Variants in NCS1 observed in about 807,000 individuals in gnomAD.
NCS1 encodes neuronal calcium sensor 1.
NCS1 carries 6 observed loss-of-function variants against 28.4 expected under a neutral mutation model. That is an observed-to-expected ratio of 0.21 (90% CI 0.12 to 0.42). The LOEUF (loss-of-function observed/expected upper bound fraction) is 0.42. Among genes scored for constraint, NCS1 ranks in the 10% least tolerant of loss-of-function variants. NCS1 has a pLI of 1.00. For synonymous variants in NCS1, 86 were observed against 99.3 expected (o/e 0.87, Z 0.79); for missense variants, 131 against 241.4 (o/e 0.54, Z 3.03).
At chr9:130,218,978 C>G (rs182843614) in intron 3 of NCS1, among the ~76,000 whole-genome samples, 13 of 152,166 alleles carry the variant, frequency 8.5e-5, no homozygotes, top group Non-Finnish European at 1.6e-4. Flanking sequence ...AACTGAGGCT[C>G]TGAGAATCGT....
intron 6 of NCS1, among the ~76,000 whole-genome samples, chr9:130,224,761 T>C (rs782316374): frequency 3.3e-5 from 5 of 151,740 alleles, no homozygotes; most frequent in Non-Finnish European, 7.4e-5. Flanking sequence ...GAGCCTAAAA[T>C]AAAAGCCTAA....
intron 2 of NCS1, among the ~76,000 whole-genome samples, chr9:130,203,599 C>G (rs1554907715): frequency 1.3e-5 from 2 of 152,300 alleles, no homozygotes; most frequent in East Asian, 3.9e-4. Flanking sequence ...ATTGTGGCTG[C>G]TCATGACCAA....
chr9:130,190,052 G>GAC (rs1832797910), intron 1 of NCS1, among the ~76,000 whole-genome samples: 1 of 150,428 alleles, frequency 6.6e-6, no homozygotes, highest in East Asian at 1.9e-4. Context: ...GAGAGAGAGA[G>GAC]AGAGAGAGAG....
chr9:130,190,032 AAGAGAGAGAGAGAG>A (rs34529294), intron 1 of NCS1, among the ~76,000 whole-genome samples: 3 of 120,468 alleles, frequency 2.5e-5, no homozygotes, highest in Admixed American at 8.8e-5. Flanking sequence ...ATGTTTATGC[AAGAGAGAGAGAGAG>A]AGAGAGAGAG....
At chr9:130,218,547 A>G (rs535922782) in intron 3 of NCS1, among the ~76,000 whole-genome samples, 1 of 152,312 alleles carries the variant, frequency 6.6e-6, no homozygotes, top group Admixed American at 6.5e-5. Context: ...ATTAATAATA[A>G]TAACCAATAT....
At chr9:130,182,325 G>A (rs1250918597) in intron 1 of NCS1, among the ~76,000 whole-genome samples, 3 of 152,166 alleles carry the variant, frequency 2.0e-5, no homozygotes, top group Non-Finnish European at 2.9e-5. Context: ...CCGTCTCTGT[G>A]AGCCTCAAAA....
rs528035690 is a variant in NCS1 at position 130,209,875 on chromosome 9, A to T, written c.90-7957A>T. 1.3e-5 allele frequency among the ~76,000 whole-genome samples: 2 copies of T among 152,178 alleles called. No individual in the cohort carries two copies. The highest frequency in any genetic ancestry group is 4.8e-5 in the African/African-American group (2 of 41,514). On this transcript the variant is annotated intron_variant, in intron 2 of 7. Transcript: ENST00000372398. The surrounding 1 kb of genome is among the most constrained non-coding windows in gnomAD (Gnocchi z 4.4). ...AAACCTCGGCTTCCCGTGGCTGGGG[A>T]TCGCAGGCCCCGTTCTTCACAGCCT...
At chr9:130,183,543 G>A (rs1323454144) in intron 1 of NCS1, among the ~76,000 whole-genome samples, 4 of 152,198 alleles carry the variant, frequency 2.6e-5, no homozygotes, top group African/African-American at 9.7e-5. Context: ...AGGGAAGTGG[G>A]TTCAGTGTGC....
At chr9:130,208,876 CTGTGTGTG>C (rs35560339) in intron 2 of NCS1, among the ~76,000 whole-genome samples, 2 of 150,706 alleles carry the variant, frequency 1.3e-5, no homozygotes, top group South Asian at 4.2e-4. Context: ...TCACACAGCT[CTGTGTGTG>C]TGTGTGTGTG....
At chr9:130,214,559 A>ACGTGAAG (rs1833158197) in intron 2 of NCS1, among the ~76,000 whole-genome samples, 1 of 152,138 alleles carries the variant, frequency 6.6e-6, no homozygotes, top group Admixed American at 6.5e-5. Context: ...GAGGACTCAC[A>ACGTGAAG]CGTGAAGCGA....
rs2131165535 is a variant in NCS1, at chr9:130,232,989, GA to G, written c.*18del. ...CCATCTTGCCTCCTTGTGTCTTCCA[GA>G]TGCCTGGGAACCACTCACCTCCTTC... On this transcript the variant is annotated splice_region_variant and 3_prime_UTR_variant, in exon 8 of 8. Coordinates refer to ENST00000372398, the MANE Select transcript of NCS1 (RefSeq NM_014286.4). The surrounding 1 kb of genome is among the most constrained non-coding windows in gnomAD (Gnocchi z 4.4). 1 of 153,010 alleles carries G rather than the reference GA, an allele frequency of 6.5e-6. No homozygotes were observed. Among genetic ancestry groups the G allele is most frequent in the East Asian group, 1.9e-4 (1 of 5,170 alleles). The allele number at this position is 153,010 out of a possible 1,614,324, so 9.5% of individuals were successfully genotyped here.
At chr9:130,174,222 C>T (rs1832530911) in intron 1 of NCS1, among the ~76,000 whole-genome samples, 2 of 152,124 alleles carry the variant, frequency 1.3e-5, no homozygotes, top group East Asian at 1.9e-4. Flanking sequence ...GTGAGGACAC[C>T]GTGGGCTCCA....
chr9:130,192,947 A>G lies in NCS1; in HGVS notation c.65-8011A>G, dbSNP rs1312710228. Among the ~76,000 whole-genome samples the G allele has an allele frequency of 6.6e-6, 1 of 152,226 alleles. No homozygotes were observed. The highest frequency in any genetic ancestry group is 1.5e-5 in the Non-Finnish European group (1 of 68,046). ...TAATGTCCTCTCTCACAGATGGGGA[A>G]ACCGAAACCCAAACTGGGGAAAAAA... On this transcript the variant is annotated intron_variant, in intron 1 of 7. Coordinates refer to ENST00000372398, the MANE Select transcript of NCS1 (RefSeq NM_014286.4). This position sits in a 1 kb window ranked among gnomAD's most constrained non-coding sequence, Gnocchi z 4.8.
intron 6 of NCS1, among the ~76,000 whole-genome samples, chr9:130,225,541 CACTG>C (rs1376661654): frequency 1.3e-4 from 20 of 152,374 alleles, no homozygotes; most frequent in African/African-American, 4.3e-4. Context: ...CCTGTAGTCA[CACTG>C]ACTGGGGTGT....
In NCS1 at chr9:130,180,192, C is replaced by T. The variant is rs1292876516; in HGVS notation, c.64+7465C>T. On this transcript the variant is annotated intron_variant, in intron 1 of 7. Transcript: ENST00000372398. The surrounding 1 kb of genome is among the most constrained non-coding windows in gnomAD (Gnocchi z 4.5). ...TCGTATTAGAATGTGCACCACCACA[C>T]CTGGCTAATTTTTGTATTTTTAGTG... 3.3e-5 allele frequency among the ~76,000 whole-genome samples: 5 copies of T among 152,164 alleles called. No individual in the cohort carries two copies. Among genetic ancestry groups the T allele is most frequent in the African/African-American group, 1.2e-4 (5 of 41,440 alleles).
In NCS1 at chr9:130,200,960, A is replaced by T; in HGVS notation, c.67A>T (p.Thr23Ser). 6.2e-7 allele frequency: 1 copy of T among 1,614,148 alleles called. No homozygotes were observed. The highest frequency in any genetic ancestry group is 8.5e-7 in the Non-Finnish European group (1 of 1,180,030). The change falls in exon 2 of 8, where the codon ACC becomes TCC. Residue 23 changes from threonine (T) to serine (S), a missense_variant and splice_region_variant. Physicochemically the swap from Thr to Ser is moderately conservative, Grantham distance 58. Coordinates refer to ENST00000372398, the MANE Select transcript of NCS1 (RefSeq NM_014286.4). ...VEELTRKTYFTEKEVQQWYKG... is the reference protein window; with the variant it reads ...VEELTRKTYFSEKEVQQWYKG... ...TACTTTTCTGCTTTCTCTTGCAGTT[A>T]CCGAGAAGGAGGTCCAGCAGTGGTG...
chr9:130,189,010 C>T (rs1028736836), intron 1 of NCS1, among the ~76,000 whole-genome samples: 1 of 152,200 alleles, frequency 6.6e-6, no homozygotes. Flanking sequence ...AGCCACTGGG[C>T]CCAGCTGAGC....
rs1417262938 is a variant in NCS1 at position 130,232,370 on chromosome 9, G to A, written c.*18-620G>A. On this transcript the variant is annotated intron_variant, in intron 7 of 7. Coordinates refer to ENST00000372398, the MANE Select transcript of NCS1 (RefSeq NM_014286.4). The surrounding 1 kb of genome is among the most constrained non-coding windows in gnomAD (Gnocchi z 4.4). ...GTAAACTGTTTTATCCTGTGGGTGT[G>A]TCCTAATGTATCCCACCACTCCTCT... is the stretch of plus-strand genomic sequence containing the variant. Among the ~76,000 whole-genome samples the A allele has an allele frequency of 6.6e-6, 1 of 152,184 alleles. No homozygotes were observed. Among genetic ancestry groups the A allele is most frequent in the Non-Finnish European group, 1.5e-5 (1 of 68,038 alleles).
At chr9:130,214,884 A>G (rs1554909170) in intron 2 of NCS1, among the ~76,000 whole-genome samples, 1 of 152,138 alleles carries the variant, frequency 6.6e-6, no homozygotes, top group Non-Finnish European at 1.5e-5. Context: ...AGGCCCCCAA[A>G]GGCTCCCCAC....
Sources: allele counts gnomAD v4.1 joint callset (sites outside exome capture counted in the v4.1 genomes callset), GRCh38; gene constraint gnomAD v4.1.1; non-coding constraint Gnocchi (gnomAD v3.1); transcripts MANE v1.5; gene names NCBI Gene and HGNC (gene_info 2026-07-23, HGNC 2026-07-21).